ADGRV1: variants seen among roughly 807,000 people sequenced by gnomAD.
ADGRV1 encodes G-protein coupled receptor 98.
In ADGRV1, 359 loss-of-function variants were observed where a neutral mutation model predicts 596.2. That is an observed-to-expected ratio of 0.60 (90% CI 0.55 to 0.66). ADGRV1 has a LOEUF of 0.66. ADGRV1 is among the 30% of genes least tolerant of loss of function. ADGRV1 has a pLI of 0.00. For missense variants in ADGRV1, 7,274 were observed against 7,575.6 expected (o/e 0.96, Z 1.48); for synonymous variants, 2,681 against 2,679.2 (o/e 1.00, Z -0.02).
In ADGRV1 at chr5:90,931,943, GCA is replaced by G. The variant is rs1775287305; in HGVS notation, c.17857-33469_17857-33468del. Among the ~76,000 whole-genome samples, 4 of 152,158 alleles carry G rather than the reference GCA, an allele frequency of 2.6e-5. No individual in the cohort carries two copies. In the South Asian group the frequency reaches 8.3e-4, roughly 31 times the overall value. ...AAATGAATGGTCCATAAGAGCAGAG[GCA>G]CAAAGTTGAAACAGCAAAGATAAGC... On this transcript the variant is annotated intron_variant, in intron 83 of 89. Transcript: ENST00000405460.
chr5:91,104,984 C>A (rs919090202), intron 87 of ADGRV1, among the ~76,000 whole-genome samples: 1 of 151,418 alleles, frequency 6.6e-6, no homozygotes, highest in East Asian at 2.0e-4. Flanking sequence ...TAGCCTCCCA[C>A]GTAGCTGGGA....
intron 84 of ADGRV1, among the ~76,000 whole-genome samples, chr5:90,982,148 A>G (rs564609660): frequency 1.4e-4 from 22 of 152,324 alleles, no homozygotes; most frequent in African/African-American, 5.1e-4. Context: ...TCTTAAAGGT[A>G]TGTATAGGTC....
intron 85 of ADGRV1, among the ~76,000 whole-genome samples, chr5:91,046,303 CTGGTATAAAA>C (rs964238670): frequency 1.7e-4 from 26 of 152,120 alleles, no homozygotes; most frequent in Non-Finnish European, 3.7e-4. Flanking sequence ...CAGCATGATA[CTGGTATAAAA>C]ATAGGCACAT....
intron 84 of ADGRV1, among the ~76,000 whole-genome samples, chr5:90,965,868 A>C (rs1356306986): frequency 1.3e-5 from 2 of 152,182 alleles, no homozygotes; most frequent in Admixed American, 1.3e-4. Flanking sequence ...GTGACATGAT[A>C]AGATTTAGAT....
rs1296125643 is a variant in ADGRV1, at chr5:90,637,725, G to T, written c.2017G>T (p.Val673Leu). 3.8e-6 allele frequency: 6 copies of T among 1,597,506 alleles called. 1 individual carries two copies. The South Asian group carries it at 4.5e-5, about 12-fold the overall frequency. The change falls in exon 11 of 90, where the codon GTA (valine) becomes TTA (leucine). Residue 673 changes from valine (V) to leucine (L), a missense_variant and splice_region_variant. Physicochemically the swap from Val to Leu is conservative, Grantham distance 32 (BLOSUM62 1). Around this residue, in one of 5 missense-constraint regions of ADGRV1, gnomAD observed 1,715 missense variants for 1,708.8 expected, o/e 1.00. Coordinates refer to ENST00000405460, the MANE Select transcript of ADGRV1 (RefSeq NM_032119.4). ...TGTTCTGTTCTTTTCTTTTTATAAG[G>T]TATACATTCCCTTACATCGGGATGG... is the stretch of plus-strand genomic sequence containing the variant. ...HEPEDFAAEV[V>L]YIPLHRDGTD...
chr5:90,795,959 A>T lies in ADGRV1; in HGVS notation c.14517+4613A>T, dbSNP rs371332973. Among the ~76,000 whole-genome samples, 19 of 152,318 alleles carry T rather than the reference A, an allele frequency of 1.2e-4. No homozygotes were observed. The East Asian group carries it at 2.3e-3, about 19-fold the overall frequency. On this transcript the variant is annotated intron_variant, in intron 70 of 89. Coordinates refer to ENST00000405460, the MANE Select transcript of ADGRV1 (RefSeq NM_032119.4). ...AAAGGAGCAGCACATCCACTCAGAG[A>T]CCTCATCCAAAGGTCACCAACATCA...
At chr5:90,690,266 C>T (rs1029245828) in intron 30 of ADGRV1, among the ~76,000 whole-genome samples, 190 bp downstream of exon 30, 1 of 152,130 alleles carries the variant, frequency 6.6e-6, no homozygotes, top group African/African-American at 2.4e-5. Flanking sequence ...GAAATTAAAT[C>T]AATCTCTTAG....
chr5:90,595,925 C>T (rs77795042), intron 1 of ADGRV1, among the ~76,000 whole-genome samples: 1,969 of 151,322 alleles, frequency 0.013, 19 homozygotes, highest in Non-Finnish European at 0.02. Context: ...GGGTGGCTGC[C>T]GGGCGGAGAC....
chr5:91,089,076 A>G (rs1790156021), intron 86 of ADGRV1, among the ~76,000 whole-genome samples: 2 of 152,058 alleles, frequency 1.3e-5, no homozygotes, highest in Admixed American at 1.3e-4. Flanking sequence ...ATGCATTAAA[A>G]TCCCTGCCAC....
intron 84 of ADGRV1, among the ~76,000 whole-genome samples, chr5:90,977,197 A>C (rs1464056739): frequency 1.3e-5 from 2 of 152,210 alleles, no homozygotes; most frequent in Non-Finnish European, 2.9e-5. Flanking sequence ...CCCAGAAAAT[A>C]CTGAATTCTC....
At chr5:90,908,735 C>T (rs1463478363) in intron 83 of ADGRV1, among the ~76,000 whole-genome samples, 7 of 152,138 alleles carry the variant, frequency 4.6e-5, no homozygotes, top group Admixed American at 2.0e-4. Flanking sequence ...AAGGGACTCT[C>T]GGAAGCATTT....
At chr5:90,892,255 A>G (rs1269975884) in intron 83 of ADGRV1, among the ~76,000 whole-genome samples, 2 of 151,996 alleles carry the variant, frequency 1.3e-5, no homozygotes, top group Non-Finnish European at 2.9e-5. Flanking sequence ...ATCTTGAGAA[A>G]TTTTCAAATT....
intron 43 of ADGRV1, among the ~76,000 whole-genome samples, chr5:90,718,764 T>A (rs1750501833): frequency 6.6e-6 from 1 of 152,000 alleles, no homozygotes; most frequent in Non-Finnish European, 1.5e-5. Flanking sequence ...TGTTTTTTCA[T>A]CTTTAAAATT....
Position 90,753,808 on chromosome 5 carries a change from A to C in ADGRV1, c.11356A>C (p.Ile3786Leu), listed in dbSNP as rs1414866014. Residue 3786 changes from isoleucine (I) to leucine (L), a missense_variant, in exon 54 of 90, where the codon ATT (isoleucine) becomes CTT (leucine). Around this residue, in one of 5 missense-constraint regions of ADGRV1, gnomAD observed 3,643 missense variants for 3,809.2 expected, o/e 0.96. Coordinates refer to ENST00000405460, the MANE Select transcript of ADGRV1 (RefSeq NM_032119.4). ...GGGCTGGCGTGCTGCGTCTGTCTTC[A>C]TTAGAGTAGCAGAGCCTAAAGGTAA... Reference protein sequence around the residue: ...LVGWRAASVFIRVAEPKENTT... With the variant: ...LVGWRAASVFLRVAEPKENTT... The C allele has an allele frequency of 1.2e-6, 2 of 1,609,542 alleles. No homozygotes were observed. The highest frequency in any genetic ancestry group is 1.3e-5 in the African/African-American group (1 of 75,006).
chr5:90,997,772 G>C (rs943779107), intron 85 of ADGRV1, among the ~76,000 whole-genome samples: 1 of 152,152 alleles, frequency 6.6e-6, no homozygotes, highest in East Asian at 1.9e-4. Flanking sequence ...GTGTGACACT[G>C]AGCAAATTAC....
At chr5:90,616,709 G>A (rs1000953875) in intron 2 of ADGRV1, among the ~76,000 whole-genome samples, 6 of 152,076 alleles carry the variant, frequency 3.9e-5, no homozygotes, top group Admixed American at 3.3e-4. Context: ...TCAAATTAGG[G>A]GAATATCCCT....
chr5:91,153,429 G>A (rs1362087909), intron 89 of ADGRV1, 31 bp downstream of exon 89: 1 of 1,468,882 alleles, frequency 6.8e-7, no homozygotes, highest in East Asian at 2.3e-5. Flanking sequence ...GACATTAGAA[G>A]TAGGCACTCT....
intron 77 of ADGRV1, among the ~76,000 whole-genome samples, chr5:90,829,441 A>T (rs1764346191): frequency 6.6e-6 from 1 of 152,216 alleles, no homozygotes; most frequent in South Asian, 2.1e-4. Flanking sequence ...ACTATCTTAC[A>T]TAAATCTGTT....
chr5:90,990,544 A>C (rs1355282170), intron 85 of ADGRV1, among the ~76,000 whole-genome samples: 1 of 152,212 alleles, frequency 6.6e-6, no homozygotes, highest in East Asian at 1.9e-4. Context: ...GACAGGAGGC[A>C]GACCTTAAGC....
Sources: gnomAD v4.1 joint callset for allele counts (sites outside exome capture counted in the v4.1 genomes callset) on GRCh38, gnomAD v4.1.1 for gene constraint, gnomAD v4.1.1 regional missense constraint, MANE v1.5 for transcripts, NCBI Gene and HGNC (gene_info 2026-07-23, HGNC 2026-07-21) for gene names.